FYN: variants seen among roughly 807,000 people sequenced by gnomAD.
The protein encoded by FYN is tyrosine-protein kinase Fyn.
A neutral mutation model predicts 70.2 loss-of-function variants in FYN; 10 were observed. The ratio of observed to expected loss-of-function variants is 0.14; its 90% CI spans 0.09 to 0.24. FYN has a LOEUF of 0.24. Ranked by LOEUF, FYN falls within the 10% of genes least tolerant of loss-of-function variation. The pLI, the probability that FYN is intolerant of heterozygous loss-of-function variation, is 1.00. For synonymous variants in FYN, 236 were observed against 248.6 expected (o/e 0.95, Z 0.48); for missense variants, 319 against 673.1 (o/e 0.47, Z 5.82).
In FYN at chr6:111,661,560, T is replaced by A. The variant is rs186289695; in HGVS notation, c.*179A>T. On this transcript the variant is annotated 3_prime_UTR_variant, in exon 14 of 14. Coordinates refer to ENST00000354650, the MANE Select transcript of FYN (RefSeq NM_002037.5). This position sits in a 1 kb window ranked among gnomAD's most constrained non-coding sequence, Gnocchi z 4.0. ...TGTCTCGAATGCTTCACAGAGGAGG[T>A]TCGGATTTGGGGACAAGTGTCATTA... 1.7e-4 allele frequency: 101 copies of A among 591,316 alleles called. No individual in the cohort carries two copies. In the East Asian group the frequency reaches 2.3e-3, roughly 14 times the overall value. 36.6% of individuals were successfully genotyped at this position (591,316 alleles called of 1,614,324 possible). A position where few individuals can be genotyped will look rare whatever the true frequency, so the allele number is the denominator to read the frequency against.
intron 3 of FYN, among the ~76,000 whole-genome samples, chr6:111,770,197 C>T (rs1803392176): frequency 6.6e-6 from 1 of 152,094 alleles, no homozygotes; most frequent in South Asian, 2.1e-4. Flanking sequence ...GTTTCAAAGA[C>T]TTAGTACAAA....
rs368114735 is a variant in FYN at position 111,661,734 on chromosome 6, G to A, written c.*5C>T. 28 of 1,612,694 alleles carry A rather than the reference G, an allele frequency of 1.7e-5. No individual in the cohort carries two copies. Among genetic ancestry groups the A allele is most frequent in the African/African-American group, 1.7e-4 (13 of 74,882 alleles). Reference sequence around the variant, plus strand: ...GGACAAGGCCTCTCTCCGCAGACCCGGGCCTTACAGGTTTTCACCAGGTTG... The same window carrying A: ...GGACAAGGCCTCTCTCCGCAGACCCAGGCCTTACAGGTTTTCACCAGGTTG... On this transcript the variant is annotated 3_prime_UTR_variant, in exon 14 of 14. Transcript: ENST00000354650. This position sits in a 1 kb window ranked among gnomAD's most constrained non-coding sequence, Gnocchi z 4.0.
chr6:111,700,088 T>G lies in FYN; in HGVS notation c.862+16A>C, dbSNP rs778038868. ...AACGGGGAAGCTAATAAGAGAGTAATTGAGTCTCAGCATACCCATCCATAC... is the reference window on the plus strand; with the variant it reads ...AACGGGGAAGCTAATAAGAGAGTAAGTGAGTCTCAGCATACCCATCCATAC... On this transcript the variant is annotated intron_variant, in intron 9 of 13. Coordinates refer to ENST00000354650, the MANE Select transcript of FYN (RefSeq NM_002037.5). 1 of 1,612,582 alleles carries G rather than the reference T, an allele frequency of 6.2e-7. No homozygotes were observed. Among genetic ancestry groups the G allele is most frequent in the South Asian group, 1.1e-5 (1 of 90,974 alleles).
At chr6:111,799,961 T>C (rs911247938) in intron 2 of FYN, among the ~76,000 whole-genome samples, 2 of 152,220 alleles carry the variant, frequency 1.3e-5, no homozygotes, top group Admixed American at 6.5e-5. Context: ...AGGGCAGTCC[T>C]GTACAAATGG....
chr6:111,757,996 A>C (rs2128492052), intron 3 of FYN, among the ~76,000 whole-genome samples: 1 of 152,312 alleles, frequency 6.6e-6, no homozygotes, highest in South Asian at 2.1e-4. Flanking sequence ...AAGGGTAGAG[A>C]ATGTTCTATA....
At chr6:111,701,365 C>T (rs971525854) in intron 8 of FYN, among the ~76,000 whole-genome samples, 9 of 152,176 alleles carry the variant, frequency 5.9e-5, no homozygotes, top group Non-Finnish European at 1.0e-4. Context: ...TGGCAGCCCC[C>T]GGACCCAGGG....
intron 12 of FYN, among the ~76,000 whole-genome samples, chr6:111,691,335 A>C (rs1799306446): frequency 6.6e-6 from 1 of 152,166 alleles, no homozygotes; most frequent in Admixed American, 6.5e-5. Context: ...GAGATGGGAA[A>C]CTCACAACTG....
At chr6:111,823,748 A>T (rs1034635260) in intron 2 of FYN, among the ~76,000 whole-genome samples, 7 of 152,218 alleles carry the variant, frequency 4.6e-5, no homozygotes, top group African/African-American at 1.7e-4. Context: ...CAAGTGTTAA[A>T]ATATGTGTCT....
intron 12 of FYN, among the ~76,000 whole-genome samples, chr6:111,692,242 G>A (rs1195784185): frequency 6.6e-6 from 1 of 152,170 alleles, no homozygotes; most frequent in African/African-American, 2.4e-5. Context: ...CCTCGATTTG[G>A]AAATTAAGTA....
intron 3 of FYN, among the ~76,000 whole-genome samples, chr6:111,729,978 A>T (rs942530089): frequency 1.3e-5 from 2 of 152,202 alleles, no homozygotes; most frequent in Non-Finnish European, 2.9e-5. Flanking sequence ...TTACTGATTG[A>T]ATTTGTATGT....
intron 13 of FYN, among the ~76,000 whole-genome samples, chr6:111,662,585 AG>A (rs1182540661): frequency 1.3e-5 from 2 of 152,216 alleles, no homozygotes; most frequent in Non-Finnish European, 2.9e-5. Flanking sequence ...TATTGTGTGT[AG>A]ATTATACTTC....
At chr6:111,747,606 C>T (rs1463081818) in intron 3 of FYN, among the ~76,000 whole-genome samples, 3 of 152,176 alleles carry the variant, frequency 2.0e-5, no homozygotes, top group African/African-American at 2.4e-5. Flanking sequence ...GTGAACTAGT[C>T]GCTTTGACTC....
At chr6:111,780,103 G>A (rs1320713904) in intron 3 of FYN, among the ~76,000 whole-genome samples, 1 of 152,100 alleles carries the variant, frequency 6.6e-6, no homozygotes, top group Non-Finnish European at 1.5e-5. Flanking sequence ...TGTTATGCTG[G>A]TCTGTGGGCT....
intron 3 of FYN, among the ~76,000 whole-genome samples, chr6:111,732,480 C>T (rs747704070): frequency 6.6e-5 from 10 of 152,086 alleles, no homozygotes; most frequent in Non-Finnish European, 8.8e-5. Context: ...AGTAAGCGAG[C>T]GGTGGAGGGT....
At chr6:111,850,988 C>T (rs1283310220) in intron 1 of FYN, among the ~76,000 whole-genome samples, 1 of 152,252 alleles carries the variant, frequency 6.6e-6, no homozygotes, top group Non-Finnish European at 1.5e-5. Flanking sequence ...TTGCTCCACA[C>T]ACAAACCTTC....
intron 3 of FYN, among the ~76,000 whole-genome samples, chr6:111,737,759 C>T (rs1401697668): frequency 6.6e-6 from 1 of 152,198 alleles, no homozygotes; most frequent in Non-Finnish European, 1.5e-5. Flanking sequence ...TCCCAACCCT[C>T]TAATCCTCTC....
intron 3 of FYN, among the ~76,000 whole-genome samples, chr6:111,743,281 G>A (rs539294009): frequency 3.9e-5 from 6 of 152,180 alleles, no homozygotes; most frequent in South Asian, 2.1e-4. Context: ...CTTTTACATC[G>A]TAGTTTTGAT....
intron 4 of FYN, among the ~76,000 whole-genome samples, chr6:111,717,847 C>T (rs745730278): frequency 4.6e-5 from 7 of 152,168 alleles, no homozygotes; most frequent in Non-Finnish European, 7.3e-5. Flanking sequence ...TATTCAAGGA[C>T]CACAGAGAAG....
At chr6:111,764,488 C>A (rs1031140541) in intron 3 of FYN, among the ~76,000 whole-genome samples, 1 of 152,136 alleles carries the variant, frequency 6.6e-6, no homozygotes, top group African/African-American at 2.4e-5. Context: ...AAGTGTGAAA[C>A]CACACTTTCC....
Sources: allele counts gnomAD v4.1 joint callset (sites outside exome capture counted in the v4.1 genomes callset), GRCh38; gene constraint gnomAD v4.1.1; non-coding constraint Gnocchi (gnomAD v3.1); transcripts MANE v1.5; gene names NCBI Gene and HGNC (gene_info 2026-07-23, HGNC 2026-07-21).